GPHN: variants seen among roughly 807,000 people sequenced by gnomAD.
The protein encoded by GPHN is gephyrin.
In GPHN, 17 loss-of-function variants were observed where a neutral mutation model predicts 95.5. The ratio of observed to expected loss-of-function variants is 0.18; its 90% CI spans 0.12 to 0.27. GPHN has a LOEUF of 0.27. Among genes scored for constraint, GPHN ranks in the 10% least tolerant of loss-of-function variants. The probability of loss-of-function intolerance (pLI) is 1.00; values close to 1 mark genes in which losing one functional copy is unlikely to be tolerated. For missense variants in GPHN, 660 were observed against 978.1 expected, an observed-to-expected ratio of 0.67 and a Z score of 4.34; for synonymous variants, 320 against 322.5, an observed-to-expected ratio of 0.99 and a Z score of 0.08.
intron 2 of GPHN, among the ~76,000 whole-genome samples, chr14:66,721,238 C>A (rs963532915): frequency 1.3e-5 from 2 of 152,090 alleles, no homozygotes; most frequent in Non-Finnish European, 2.9e-5. Context: ...AGAGAAGAAT[C>A]AAAGTAAAAC....
At chr14:67,520,545 C>T in the GPHN span, among the ~76,000 whole-genome samples, 2 of 152,202 alleles carry the variant, frequency 1.3e-5, no homozygotes, top group African/African-American at 4.8e-5. Flanking sequence ...AATAATATTC[C>T]ATTGTCTGGA....
the GPHN span, among the ~76,000 whole-genome samples, chr14:67,306,340 CTCTTT>C: frequency 6.6e-6 from 1 of 151,588 alleles, no homozygotes; most frequent in Non-Finnish European, 1.5e-5. Context: ...TCCTTCTTTT[CTCTTT>C]TGTTTTTTGT....
chr14:67,393,735 T>C, the GPHN span, among the ~76,000 whole-genome samples: 3 of 152,134 alleles, frequency 2.0e-5, no homozygotes, highest in Admixed American at 6.5e-5. Context: ...ATTACAGGTG[T>C]GAGCCACCGT....
At chr14:67,202,087 G>A in the GPHN span, among the ~76,000 whole-genome samples, 2 of 152,196 alleles carry the variant, frequency 1.3e-5, no homozygotes, top group Non-Finnish European at 2.9e-5. Context: ...GCCAGAACTG[G>A]TCGATTGGTA....
the GPHN span, chr14:67,647,551 T>C: frequency 6.4e-6 from 1 of 155,616 alleles, no homozygotes; most frequent in Non-Finnish European, 1.4e-5. Context: ...GGGGCTATAA[T>C]GAAGTTAGAA....
At chr14:67,128,334 G>C (rs1461991802) in intron 17 of GPHN, among the ~76,000 whole-genome samples, 1 of 151,044 alleles carries the variant, frequency 6.6e-6, no homozygotes, top group African/African-American at 2.4e-5. Flanking sequence ...TCGGCTCACT[G>C]CAACATCTGC....
intron 1 of GPHN, among the ~76,000 whole-genome samples, chr14:66,635,179 G>T (rs1441442228): frequency 6.6e-6 from 1 of 152,168 alleles, no homozygotes; most frequent in East Asian, 1.9e-4. Flanking sequence ...ATTCTAAACA[G>T]AAGTGTTATA....
chr14:66,837,247 T>C (rs2153504872), intron 4 of GPHN, among the ~76,000 whole-genome samples: 1 of 151,812 alleles, frequency 6.6e-6, no homozygotes, highest in South Asian at 2.1e-4. Context: ...ATGTACACCA[T>C]GGAATACTAT....
chr14:67,622,867 G>A, the GPHN span, among the ~76,000 whole-genome samples: 1 of 152,200 alleles, frequency 6.6e-6, no homozygotes, highest in African/African-American at 2.4e-5. Context: ...ATCAGCTGAG[G>A]CTGCTGAATG....
At chr14:66,675,828 A>C (rs543393605) in intron 1 of GPHN, among the ~76,000 whole-genome samples, 133 of 152,258 alleles carry the variant, frequency 8.7e-4, no homozygotes, top group Admixed American at 2.4e-3. Flanking sequence ...ATAAATATCC[A>C]ATTTTCCAAC....
chr14:66,992,293 T>C (rs1202613540), intron 9 of GPHN, among the ~76,000 whole-genome samples: 1 of 152,054 alleles, frequency 6.6e-6, no homozygotes, highest in East Asian at 1.9e-4. Flanking sequence ...AGATGGAAAG[T>C]GATGAAATGG....
At chr14:66,678,905 A>G (rs1011627049) in intron 1 of GPHN, among the ~76,000 whole-genome samples, 2 of 152,206 alleles carry the variant, frequency 1.3e-5, no homozygotes, top group Non-Finnish European at 2.9e-5. Flanking sequence ...GTCAGCGACA[A>G]GACTTTCCTG....
chr14:67,245,024 A>G, the GPHN span, among the ~76,000 whole-genome samples: 3 of 152,204 alleles, frequency 2.0e-5, no homozygotes, highest in Non-Finnish European at 4.4e-5. Flanking sequence ...AAGATGGAGG[A>G]GAGCAGGCCA....
At chr14:66,773,465 T>C (rs548175843) in intron 2 of GPHN, among the ~76,000 whole-genome samples, 1 of 151,720 alleles carries the variant, frequency 6.6e-6, no homozygotes, top group Non-Finnish European at 1.5e-5. Flanking sequence ...GCTATTCTTC[T>C]GCCTCAGCCT....
chr14:67,072,400 T>C (rs556938484), intron 11 of GPHN, among the ~76,000 whole-genome samples: 5 of 152,104 alleles, frequency 3.3e-5, no homozygotes, highest in Non-Finnish European at 7.4e-5. Context: ...GTTATTTTTT[T>C]AAGTTTGAGT....
the GPHN span, among the ~76,000 whole-genome samples, chr14:67,666,857 T>G: frequency 6.6e-6 from 1 of 152,238 alleles, no homozygotes; most frequent in East Asian, 1.9e-4. Flanking sequence ...TGTATACAAC[T>G]GAGGGGCATT....
intron 9 of GPHN, among the ~76,000 whole-genome samples, chr14:66,991,870 TAAA>T (rs1555458890): frequency 2.7e-5 from 3 of 111,138 alleles, no homozygotes; most frequent in Non-Finnish European, 2.0e-5. Context: ...AGACCCTGTC[TAAA>T]AAAAAAAAAA....
chr14:66,544,342 T>C (rs2059456290), intron 1 of GPHN, among the ~76,000 whole-genome samples: 1 of 152,244 alleles, frequency 6.6e-6, no homozygotes, highest in African/African-American at 2.4e-5. Context: ...TCTTTGCCTG[T>C]TCTGTTTCTT....
chr14:67,326,071 C>T, the GPHN span, among the ~76,000 whole-genome samples: 1 of 148,980 alleles, frequency 6.7e-6, no homozygotes, highest in African/African-American at 2.5e-5. Flanking sequence ...GTGATCCAGC[C>T]TCCTCGGCCT....
Sources: gnomAD v4.1 joint callset for allele counts (sites outside exome capture counted in the v4.1 genomes callset) on GRCh38, gnomAD v4.1.1 for gene constraint, MANE v1.5 for transcripts, NCBI Gene and HGNC (gene_info 2026-07-23, HGNC 2026-07-21) for gene names.